GSG1L: variants seen among roughly 807,000 people sequenced by gnomAD.
GSG1L encodes the protein germ cell-specific gene 1-like protein.
In GSG1L, 24 loss-of-function variants were observed where a neutral mutation model predicts 42.1. The ratio of observed to expected loss-of-function variants is 0.57; its 90% CI spans 0.41 to 0.80. The LOEUF (loss-of-function observed/expected upper bound fraction) is 0.80, where lower values mean the gene tolerates loss of function less well. GSG1L is among the 30% of genes least tolerant of loss of function. The pLI, the probability that GSG1L is intolerant of heterozygous loss-of-function variation, is 0.00. For missense variants in GSG1L, 445 were observed against 472.2 expected (o/e 0.94, Z 0.53); for synonymous variants, 215 against 203.5 (o/e 1.06, Z -0.48).
intron 1 of GSG1L, among the ~76,000 whole-genome samples, chr16:27,996,120 T>C (rs531173075): frequency 6.6e-6 from 1 of 152,100 alleles, no homozygotes; most frequent in Non-Finnish European, 1.5e-5. Flanking sequence ...TCTCTCTCTC[T>C]GTCACTCACA....
At chr16:27,897,389 C>A (rs1297924154) in intron 2 of GSG1L, among the ~76,000 whole-genome samples, 1 of 152,194 alleles carries the variant, frequency 6.6e-6, no homozygotes, top group Non-Finnish European at 1.5e-5. Context: ...ACCTCCAACT[C>A]CTGGGCTCAA....
chr16:28,036,794 C>T lies in GSG1L; in HGVS notation c.349+26282G>A, dbSNP rs369510086. Among the ~76,000 whole-genome samples, 42 of 152,156 alleles carry T rather than the reference C, an allele frequency of 2.8e-4. 2 individuals are homozygous for T. Among genetic ancestry groups the T allele is most frequent in the African/African-American group, 9.7e-5 (4 of 41,430 alleles). Reference sequence around the variant, plus strand: ...TGGGGTCACGTAGGAGAAATCAGGACGCTTTTCCCTACAGACGTCCTGATG... The same window carrying T: ...TGGGGTCACGTAGGAGAAATCAGGATGCTTTTCCCTACAGACGTCCTGATG... On this transcript the variant is annotated intron_variant, in intron 1 of 6. Transcript: ENST00000447459.
intron 1 of GSG1L, among the ~76,000 whole-genome samples, chr16:27,975,287 C>T (rs2085238538): frequency 6.6e-6 from 1 of 152,094 alleles, no homozygotes; most frequent in Non-Finnish European, 1.5e-5. Context: ...TTGGCCAAAA[C>T]CAATGGGCAC....
At chr16:27,824,664 G>A (rs1261712971) in intron 5 of GSG1L, among the ~76,000 whole-genome samples, 1 of 152,236 alleles carries the variant, frequency 6.6e-6, no homozygotes, top group Non-Finnish European at 1.5e-5. Context: ...AGTTATGAAT[G>A]TGTAAAGTGA....
At chr16:28,033,638 A>T (rs1472205539) in intron 1 of GSG1L, among the ~76,000 whole-genome samples, 2 of 152,130 alleles carry the variant, frequency 1.3e-5, no homozygotes, top group Non-Finnish European at 2.9e-5. Flanking sequence ...GCAACAAATA[A>T]ATTGTTCTGT....
At chr16:28,039,419 ACT>A (rs1567565597) in intron 1 of GSG1L, among the ~76,000 whole-genome samples, 1 of 151,908 alleles carries the variant, frequency 6.6e-6, no homozygotes, top group Non-Finnish European at 1.5e-5. Context: ...ACTTCTAAAA[ACT>A]CTACGATGCA....
intron 3 of GSG1L, among the ~76,000 whole-genome samples, chr16:27,859,965 A>T (rs1345869123): frequency 2.0e-5 from 3 of 152,044 alleles, no homozygotes; most frequent in African/African-American, 4.8e-5. Context: ...TACAGACGTG[A>T]GCTGCCACAC....
At chr16:27,821,091 A>G (rs576887788) in intron 5 of GSG1L, among the ~76,000 whole-genome samples, 70 of 151,660 alleles carry the variant, frequency 4.6e-4, no homozygotes, top group Non-Finnish European at 8.5e-4. Flanking sequence ...TATACCTCCC[A>G]CTGGGACTGG....
intron 2 of GSG1L, among the ~76,000 whole-genome samples, chr16:27,913,276 G>A (rs554674249): frequency 4.6e-5 from 7 of 152,174 alleles, no homozygotes; most frequent in East Asian, 1.9e-4. Context: ...CTAACTTGTC[G>A]CGAAACTGAA....
At chr16:27,851,223 G>T (rs552110448) in intron 3 of GSG1L, among the ~76,000 whole-genome samples, 32 of 152,234 alleles carry the variant, frequency 2.1e-4, no homozygotes, top group African/African-American at 7.0e-4. Flanking sequence ...TTAAGACAGG[G>T]TCTCGCTCTG....
chr16:27,987,895 C>G lies in GSG1L; in HGVS notation c.350-24692G>C, dbSNP rs555422726. The stretch of plus-strand genomic sequence containing the variant: ...CCAGGAGGCAGAGGTTGCAGTGAGC[C>G]GAAATCGTGCCACTGCACTCCAGCC... On this transcript the variant is annotated intron_variant, in intron 1 of 6. Coordinates refer to ENST00000447459, the MANE Select transcript of GSG1L (RefSeq NM_001109763.2). 5.5e-5 allele frequency among the ~76,000 whole-genome samples: 7 copies of G among 127,078 alleles called. No homozygotes were observed. The Admixed American group carries it at 7.1e-4, about 13-fold the overall frequency. 83.4% of individuals were successfully genotyped at this position (127,078 alleles called of 152,430 possible). A position where few individuals can be genotyped will look rare whatever the true frequency, so the allele number is the denominator to read the frequency against.
intron 2 of GSG1L, among the ~76,000 whole-genome samples, chr16:27,919,026 T>C (rs1358354379): frequency 3.3e-5 from 5 of 152,158 alleles, no homozygotes; most frequent in Non-Finnish European, 5.9e-5. Flanking sequence ...GCACTACCAA[T>C]TGAGAATAGA....
intron 1 of GSG1L, among the ~76,000 whole-genome samples, chr16:27,989,887 A>G (rs2085436643): frequency 6.6e-6 from 1 of 152,160 alleles, no homozygotes; most frequent in African/African-American, 2.4e-5. Flanking sequence ...ATGTCTTGGT[A>G]TATGCAGTTA....
chr16:27,936,478 T>C (rs2141078184), intron 2 of GSG1L, among the ~76,000 whole-genome samples: 1 of 152,282 alleles, frequency 6.6e-6, no homozygotes, highest in South Asian at 2.1e-4. Context: ...CCTCCTCTCT[T>C]GCATGTGACC....
chr16:27,880,952 C>T (rs2083945684), intron 3 of GSG1L, among the ~76,000 whole-genome samples: 1 of 151,820 alleles, frequency 6.6e-6, no homozygotes, highest in Non-Finnish European at 1.5e-5. Context: ...GATCATCTCC[C>T]CTCCAGCCCC....
intron 1 of GSG1L, among the ~76,000 whole-genome samples, chr16:28,038,224 C>A (rs997456961): frequency 2.0e-5 from 3 of 152,186 alleles, no homozygotes; most frequent in Non-Finnish European, 2.9e-5. Context: ...GATCCTCCCA[C>A]CTCAGCCTCC....
chr16:27,883,118 C>CAAA (rs1282858322), intron 3 of GSG1L, among the ~76,000 whole-genome samples: 1 of 70,172 alleles, frequency 1.4e-5, no homozygotes, highest in Non-Finnish European at 3.2e-5. Context: ...GACCCAATCT[C>CAAA]AAAAAAAAAA....
At chr16:28,048,922 A>G (rs1398718292) in intron 1 of GSG1L, among the ~76,000 whole-genome samples, 1 of 152,208 alleles carries the variant, frequency 6.6e-6, no homozygotes, top group Non-Finnish European at 1.5e-5. Context: ...GCTTTTTTAA[A>G]AAAGATGGAG....
intron 2 of GSG1L, among the ~76,000 whole-genome samples, chr16:27,937,434 G>T (rs1456555865): frequency 6.6e-6 from 1 of 150,706 alleles, no homozygotes; most frequent in Admixed American, 6.6e-5. Flanking sequence ...TACAGACAGG[G>T]TTTCACCATG....
Sources: gnomAD v4.1 joint callset for allele counts (sites outside exome capture counted in the v4.1 genomes callset) on GRCh38, gnomAD v4.1.1 for gene constraint, MANE v1.5 for transcripts, NCBI Gene and HGNC (gene_info 2026-07-23, HGNC 2026-07-21) for gene names.